PDE4D: variants seen among roughly 807,000 people sequenced by gnomAD.
The protein encoded by PDE4D is 3',5'-cyclic-AMP phosphodiesterase 4D.
In PDE4D, 24 loss-of-function variants were observed where a neutral mutation model predicts 87.4. The observed-to-expected ratio is 0.27, with a 90% CI of 0.20 to 0.39. The LOEUF (loss-of-function observed/expected upper bound fraction) is 0.39, where lower values mean the gene tolerates loss of function less well. Among genes scored for constraint, PDE4D ranks in the 10% least tolerant of loss-of-function variants. The pLI is 1.00. For synonymous variants in PDE4D, 384 were observed against 383.2 expected, an observed-to-expected ratio of 1.00 and a Z score of -0.02; for missense variants, 714 against 1,041.0, an observed-to-expected ratio of 0.69 and a Z score of 4.32.
In PDE4D at chr5:59,404,384, C is replaced by T. The variant is rs201816166; in HGVS notation, c.456-188416G>A. Among the ~76,000 whole-genome samples the T allele has an allele frequency of 9.3e-5, 14 of 151,256 alleles. No homozygotes were observed. In the East Asian group the frequency reaches 1.2e-3, roughly 13 times the overall value. Reference sequence around the variant, plus strand: ...TCAAAAAATCTTTGCTCAGGCCAGGCGCAGTGGCTCACACCTGCAATCCAT... The same window carrying T: ...TCAAAAAATCTTTGCTCAGGCCAGGTGCAGTGGCTCACACCTGCAATCCAT... On this transcript the variant is annotated intron_variant, in intron 1 of 14. Transcript: ENST00000340635.
At chr5:60,127,913 T>C (rs1223846010) in intron 2 of PDE4D, among the ~76,000 whole-genome samples, 1 of 152,006 alleles carries the variant, frequency 6.6e-6, no homozygotes, top group African/African-American at 2.4e-5. Context: ...GCCTGAGGCA[T>C]TGCCAACACT....
chr5:60,021,078 C>A (rs925289096), intron 2 of PDE4D, among the ~76,000 whole-genome samples: 3 of 152,048 alleles, frequency 2.0e-5, no homozygotes, highest in African/African-American at 7.3e-5. Context: ...ATAGCTGTAG[C>A]CTTCATTTAA....
At chr5:58,999,594 G>A (rs1750054263) in intron 6 of PDE4D, 1 of 1,220,216 alleles carries the variant, frequency 8.2e-7, no homozygotes, top group South Asian at 2.8e-5. Context: ...GCTCTAAAAT[G>A]TATTTAGCTT....
intron 1 of PDE4D, among the ~76,000 whole-genome samples, chr5:59,509,662 ATAGAAT>A (rs1409235001): frequency 2.0e-5 from 3 of 151,066 alleles, no homozygotes; most frequent in African/African-American, 7.3e-5. Flanking sequence ...TATTAAAATA[ATAGAAT>A]TAGAGTTTAA....
chr5:60,390,313 G>A (rs1188963865), intron 1 of PDE4D, among the ~76,000 whole-genome samples: 1 of 152,126 alleles, frequency 6.6e-6, no homozygotes, highest in African/African-American at 2.4e-5. Context: ...TATTAAATAC[G>A]AGCCACGTGC....
At chr5:59,131,089 G>A (rs945864346) in intron 5 of PDE4D, among the ~76,000 whole-genome samples, 6 of 152,140 alleles carry the variant, frequency 3.9e-5, no homozygotes, top group Non-Finnish European at 8.8e-5. Context: ...CAATGATATT[G>A]TATTTCTAGA....
At chr5:59,331,880 C>G (rs1193798672) in intron 1 of PDE4D, among the ~76,000 whole-genome samples, 1 of 152,206 alleles carries the variant, frequency 6.6e-6, no homozygotes, top group Non-Finnish European at 1.5e-5. Flanking sequence ...ACATTCTAAT[C>G]AAATGCTAGC....
Position 59,392,503 on chromosome 5 carries a change from C to CTATATATATA in PDE4D, c.456-176545_456-176536dup, listed in dbSNP as rs3061702. Among the ~76,000 whole-genome samples the CTATATATATA allele has an allele frequency of 9.1e-3, 1,272 of 139,230 alleles. 16 individuals are homozygous for CTATATATATA. The highest frequency in any genetic ancestry group is 0.017 in the African/African-American group (635 of 37,034). 91.3% of individuals were successfully genotyped at this position (139,230 alleles called of 152,430 possible). ...ACCCTTTATATATATGTGTGTGTGT[C>CTATATATATA]TATATATATATATATATATATTCCA... On this transcript the variant is annotated intron_variant, in intron 1 of 14. Transcript: ENST00000340635.
At chr5:59,408,045 C>T (rs1008775102) in intron 1 of PDE4D, among the ~76,000 whole-genome samples, 2 of 152,150 alleles carry the variant, frequency 1.3e-5, no homozygotes, top group African/African-American at 4.8e-5. Context: ...GGGAAATTTG[C>T]ATAACTAAAA....
intron 1 of PDE4D, among the ~76,000 whole-genome samples, chr5:59,786,220 T>C (rs1292553779): frequency 1.3e-5 from 2 of 152,240 alleles, no homozygotes; most frequent in African/African-American, 4.8e-5. Flanking sequence ...AAACCTTGAA[T>C]TGTAATCTCC....
In PDE4D at chr5:60,438,499, A is replaced by T. The variant is rs111739711; in HGVS notation, c.-90+49443T>A. Among the ~76,000 whole-genome samples the T allele has an allele frequency of 1.5e-3, 221 of 152,148 alleles. 1 individual carries two copies. Among genetic ancestry groups the T allele is most frequent in the Non-Finnish European group, 2.6e-3 (175 of 67,950 alleles). ...GTAGAATATTGTGTGTATTTTGTTC[A>T]TTGACTGTACCCCTTGTGTCTAGTA... On this transcript the variant is annotated intron_variant, in intron 1 of 16. Coordinates refer to the PDE4D transcript ENST00000502484.
intron 1 of PDE4D, among the ~76,000 whole-genome samples, chr5:59,336,922 G>T (rs1249774561): frequency 6.6e-6 from 1 of 152,110 alleles, no homozygotes; most frequent in Non-Finnish European, 1.5e-5. Flanking sequence ...TTTACTCAAT[G>T]TTCAGTTCAT....
chr5:59,092,476 A>G (rs1301694122), intron 5 of PDE4D, among the ~76,000 whole-genome samples: 1 of 152,222 alleles, frequency 6.6e-6, no homozygotes, highest in Non-Finnish European at 1.5e-5. Context: ...ATTTTACATT[A>G]CTAAGATATT....
At chr5:59,137,158 C>T (rs950436609) in intron 5 of PDE4D, among the ~76,000 whole-genome samples, 4 of 152,202 alleles carry the variant, frequency 2.6e-5, no homozygotes, top group Non-Finnish European at 5.9e-5. Context: ...GTCCTCCTCA[C>T]TTTCCCACAG....
chr5:60,411,719 T>C (rs1742062048), intron 1 of PDE4D, among the ~76,000 whole-genome samples: 1 of 152,156 alleles, frequency 6.6e-6, no homozygotes, highest in African/African-American at 2.4e-5. Context: ...AAACCAGATC[T>C]AAATGAAGGA....
chr5:59,566,576 GTGTGT>G (rs1820946963), intron 1 of PDE4D, among the ~76,000 whole-genome samples: 1 of 149,878 alleles, frequency 6.7e-6, no homozygotes, highest in African/African-American at 2.5e-5. Flanking sequence ...GTGTGTGTGT[GTGTGT>G]GTGAGAGAAT....
chr5:59,758,962 G>A (rs1580928896), intron 1 of PDE4D, among the ~76,000 whole-genome samples: 1 of 151,960 alleles, frequency 6.6e-6, no homozygotes, highest in Non-Finnish European at 1.5e-5. Flanking sequence ...AATAACTAAG[G>A]TCAAGTATCA....
At chr5:60,393,452 G>T (rs980474231) in intron 1 of PDE4D, among the ~76,000 whole-genome samples, 1 of 152,052 alleles carries the variant, frequency 6.6e-6, no homozygotes, top group Non-Finnish European at 1.5e-5. Flanking sequence ...TTATGAAGAA[G>T]AACCTTCAAG....
chr5:60,443,549 T>C (rs1289663972), intron 1 of PDE4D, among the ~76,000 whole-genome samples: 3 of 152,036 alleles, frequency 2.0e-5, no homozygotes, highest in Non-Finnish European at 2.9e-5. Context: ...AGGAGTGAAA[T>C]TGAGCGGCTT....
Sources: allele counts gnomAD v4.1 joint callset (sites outside exome capture counted in the v4.1 genomes callset), GRCh38; gene constraint gnomAD v4.1.1; transcripts MANE v1.5; gene names NCBI Gene and HGNC (gene_info 2026-07-23, HGNC 2026-07-21).